Variants in CRTC3 observed in about 807,000 individuals in gnomAD.
The protein encoded by CRTC3 is CREB-regulated transcription coactivator 3.
Under a neutral mutation model 74.5 loss-of-function variants are expected in CRTC3, and 26 were observed. That is an observed-to-expected ratio of 0.35 (90% CI 0.26 to 0.48). The LOEUF is 0.48. Ranked by LOEUF, CRTC3 falls within the 20% of genes least tolerant of loss-of-function variation. The probability of loss-of-function intolerance (pLI) is 0.99; values close to 1 mark genes in which losing one functional copy is unlikely to be tolerated. For missense variants in CRTC3, 760 were observed against 787.3 expected (o/e 0.97, Z 0.41); for synonymous variants, 377 against 325.8 (o/e 1.16, Z -1.69).
chr15:90,573,286 T>G (rs753272785), intron 2 of CRTC3, among the ~76,000 whole-genome samples: 2 of 152,206 alleles, frequency 1.3e-5, no homozygotes, highest in African/African-American at 2.4e-5. Context: ...TGGGATACCT[T>G]GGAGTCTGTC....
intron 10 of CRTC3, among the ~76,000 whole-genome samples, chr15:90,627,134 A>AG (rs897192759): frequency 2.0e-5 from 3 of 152,352 alleles, no homozygotes; most frequent in African/African-American, 4.8e-5. Context: ...GGTCCCCTTC[A>AG]GGGGGGGTCA....
chr15:90,628,992 G>A (rs4932359), intron 10 of CRTC3, among the ~76,000 whole-genome samples: 27,772 of 151,978 alleles, frequency 0.18, 2,566 homozygotes, highest in African/African-American at 0.2. Context: ...GGTTGTTGAC[G>A]TGATCTCCCT....
At chr15:90,624,875 G>C (rs896232918) in intron 9 of CRTC3, 1 of 152,788 alleles carries the variant, frequency 6.5e-6, no homozygotes, top group Non-Finnish European at 1.5e-5. Flanking sequence ...AGAGTCAGCA[G>C]GGTGTGGACA....
At chr15:90,615,072 A>C (rs1020321245) in intron 7 of CRTC3, among the ~76,000 whole-genome samples, 5 of 151,656 alleles carry the variant, frequency 3.3e-5, no homozygotes, top group Non-Finnish European at 5.9e-5. Flanking sequence ...AAAAATAAAT[A>C]AATAAATAAA....
rs1182723591 is a variant in CRTC3, at chr15:90,598,221, C to T, written c.352-4103C>T. 4 of 563,578 alleles carry T rather than the reference C, an allele frequency of 7.1e-6. No individual in the cohort carries two copies. The African/African-American group carries it at 7.6e-5, about 11-fold the overall frequency. 34.9% of individuals were successfully genotyped at this position (563,578 alleles called of 1,614,324 possible). A position where few individuals can be genotyped will look rare whatever the true frequency, so the allele number is the denominator to read the frequency against. ...CCTGAGCCCTGCCCAGGTACACTGA[C>T]CGCACAGGGACGGGAAGCCAAGAGA... On this transcript the variant is annotated intron_variant, in intron 3 of 14. Transcript: ENST00000268184.
chr15:90,632,540 G>A (rs777392527), intron 11 of CRTC3, among the ~76,000 whole-genome samples: 5 of 152,122 alleles, frequency 3.3e-5, no homozygotes, highest in East Asian at 3.9e-4. Flanking sequence ...TTTCCCTCTC[G>A]TTAGGCATAT....
chr15:90,548,126 C>T (rs566015153), intron 2 of CRTC3, among the ~76,000 whole-genome samples: 5 of 150,702 alleles, frequency 3.3e-5, no homozygotes, highest in Admixed American at 1.3e-4. Flanking sequence ...TGAGCTCAAG[C>T]GATCCACCCG....
chr15:90,625,760 A>ATCTT lies in CRTC3; in HGVS notation c.750-10_750-7dup. On this transcript the variant is annotated splice_polypyrimidine_tract_variant and intron_variant, in intron 9 of 14. Coordinates refer to ENST00000268184, the MANE Select transcript of CRTC3 (RefSeq NM_022769.5). ...AATACATTGTAGAAAGTCATTCTTA[A>ATCTT]TCTTTCTTTTTTCAGTGCTTTTCCA... is the stretch of plus-strand genomic sequence containing the variant. 1.2e-6 allele frequency: 2 copies of ATCTT among 1,602,678 alleles called. No homozygotes were observed. Among genetic ancestry groups the ATCTT allele is most frequent in the South Asian group, 1.1e-5 (1 of 90,846 alleles).
chr15:90,638,293 G>A lies in CRTC3; in HGVS notation c.1267-153G>A, dbSNP rs1596152090. ...GGAAGTAAAATTTGAGATATACTTT[G>A]AAGGATGAGAAACGGGCTTCTCACA... On this transcript the variant is annotated intron_variant, in intron 11 of 14. Transcript: ENST00000268184. The A allele has an allele frequency of 8.1e-6, 5 of 613,662 alleles. No individual in the cohort carries two copies. In the Admixed American group the frequency reaches 1.2e-4, roughly 15 times the overall value. 38.0% of individuals were successfully genotyped at this position (613,662 alleles called of 1,614,324 possible).
Position 90,644,854 on chromosome 15 carries a change from A to C in CRTC3, c.*2714A>C, listed in dbSNP as rs1969570244. On this transcript the variant is annotated 3_prime_UTR_variant, in exon 15 of 15. Transcript: ENST00000268184. ...TCATTATTTAGTTTTGTCACAAGAA[A>C]TCGACCATTGTACTACTCTCACTTA... 3 of 232,400 alleles carry C rather than the reference A, an allele frequency of 1.3e-5. No homozygotes were observed. The highest frequency in any genetic ancestry group is 1.3e-3 in the Middle Eastern group (1 of 782). 14.4% of individuals were successfully genotyped at this position (232,400 alleles called of 1,614,324 possible). A position where few individuals can be genotyped will look rare whatever the true frequency, so the allele number is the denominator to read the frequency against.
At chr15:90,633,918 TG>T (rs1969136170) in intron 11 of CRTC3, among the ~76,000 whole-genome samples, 1 of 152,122 alleles carries the variant, frequency 6.6e-6, no homozygotes, top group Non-Finnish European at 1.5e-5. Flanking sequence ...AGTTCTTTTT[TG>T]TTCTCTGAGT....
intron 4 of CRTC3, among the ~76,000 whole-genome samples, chr15:90,603,679 A>G (rs6416555): frequency 0.95 from 143,866 of 152,222 alleles, 68,198 homozygotes; most frequent in Middle Eastern, 0.99. Context: ...GATTTAGGAC[A>G]CATTTAAAAT....
rs1359020395 is a variant in CRTC3, at chr15:90,629,319, G to A, written c.1053G>A (p.Gln351=). 6.2e-7 allele frequency: 1 copy of A among 1,614,056 alleles called. No homozygotes were observed. The highest frequency in any genetic ancestry group is 2.2e-5 in the East Asian group (1 of 44,884). The change falls in exon 11 of 15, where the codon CAG becomes CAA. Residue 351 remains glutamine (Q), a synonymous_variant. Transcript: ENST00000268184. ...CCTCTTCCTTAAATAACCACCCACA[G>A]ACATCTGTTCCCAACGCATCTGCTC... ...VLSSSLNNHP[Q]TSVPNASALH...
At chr15:90,625,365 A>ATATC (rs369231146) in intron 9 of CRTC3, among the ~76,000 whole-genome samples, 2 of 152,208 alleles carry the variant, frequency 1.3e-5, no homozygotes, top group Non-Finnish European at 2.9e-5. Flanking sequence ...TTTTAAAAAT[A>ATATC]TATCTTGGAA....
chr15:90,531,323 C>G (rs1966623049), intron 1 of CRTC3, among the ~76,000 whole-genome samples: 1 of 151,994 alleles, frequency 6.6e-6, no homozygotes, highest in African/African-American at 2.4e-5. Context: ...TGACAGCTAC[C>G]GACCTGCTGG....
chr15:90,584,840 T>C (rs1054069714), intron 2 of CRTC3, among the ~76,000 whole-genome samples: 4 of 152,128 alleles, frequency 2.6e-5, no homozygotes, highest in Admixed American at 6.5e-5. Flanking sequence ...CCAAGCTCTG[T>C]TGGAAACAGA....
At chr15:90,616,369 G>T (rs915973373) in intron 7 of CRTC3, among the ~76,000 whole-genome samples, 2 of 152,142 alleles carry the variant, frequency 1.3e-5, no homozygotes, top group Non-Finnish European at 2.9e-5. Context: ...GTCCACAACT[G>T]CATTTATATC....
chr15:90,567,762 T>C (rs1967160975), intron 2 of CRTC3, among the ~76,000 whole-genome samples: 1 of 152,130 alleles, frequency 6.6e-6, no homozygotes, highest in Non-Finnish European at 1.5e-5. Context: ...CCAGGAGCTC[T>C]GATGGAAATG....
intron 2 of CRTC3, among the ~76,000 whole-genome samples, chr15:90,587,201 T>C (rs926848686): frequency 2.0e-5 from 3 of 152,228 alleles, no homozygotes; most frequent in Non-Finnish European, 4.4e-5. Context: ...TCAGATGCTA[T>C]GTGATAGGTA....
Sources: gnomAD v4.1 joint callset for allele counts (sites outside exome capture counted in the v4.1 genomes callset) on GRCh38, gnomAD v4.1.1 for gene constraint, MANE v1.5 for transcripts, NCBI Gene and HGNC (gene_info 2026-07-23, HGNC 2026-07-21) for gene names.